VPS13B: variants seen among roughly 807,000 people sequenced by gnomAD.
VPS13B encodes the protein intermembrane lipid transfer protein VPS13B.
VPS13B carries 285 observed loss-of-function variants against 426.4 expected under a neutral mutation model. The observed-to-expected ratio is 0.67, with a 90% CI of 0.61 to 0.74. VPS13B has a LOEUF of 0.74. Among genes scored for constraint, VPS13B ranks in the 30% least tolerant of loss-of-function variants. The pLI is 0.00. For missense variants in VPS13B, 4,537 were observed against 4,782.6 expected (o/e 0.95, Z 1.51); for synonymous variants, 1,676 against 1,676.4 (o/e 1.00, Z 0.01).
At chr8:99,709,122 G>A (rs1832611029) in intron 36 of VPS13B, among the ~76,000 whole-genome samples, 1 of 152,094 alleles carries the variant, frequency 6.6e-6, no homozygotes, top group Admixed American at 6.6e-5. Flanking sequence ...AAGGTTTTCT[G>A]ATGCTTCACT....
intron 30 of VPS13B, among the ~76,000 whole-genome samples, chr8:99,532,830 C>G (rs1031854384): frequency 2.0e-5 from 3 of 150,490 alleles, no homozygotes; most frequent in Non-Finnish European, 4.4e-5. Flanking sequence ...CAAAAATACA[C>G]ACTTCTTCAG....
intron 30 of VPS13B, among the ~76,000 whole-genome samples, chr8:99,547,690 C>A (rs1360886002): frequency 6.6e-6 from 1 of 152,040 alleles, no homozygotes. Flanking sequence ...CATTATCGAC[C>A]AACTATTGCA....
intron 14 of VPS13B, among the ~76,000 whole-genome samples, chr8:99,155,095 T>C (rs1454123988): frequency 6.6e-6 from 1 of 151,634 alleles, no homozygotes; most frequent in African/African-American, 2.4e-5. Context: ...CCAAATTAAA[T>C]TGTGAAACTG....
At chr8:99,651,414 A>G (rs1829808808) in intron 34 of VPS13B, among the ~76,000 whole-genome samples, 1 of 152,134 alleles carries the variant, frequency 6.6e-6, no homozygotes, top group Non-Finnish European at 1.5e-5. Flanking sequence ...TTTAATGAAT[A>G]TTAATATTAA....
chr8:99,257,813 G>C (rs114948566), intron 17 of VPS13B, among the ~76,000 whole-genome samples: 1,879 of 148,192 alleles, frequency 0.013, 43 homozygotes, highest in African/African-American at 0.044. Context: ...TTTTAAGTTA[G>C]TGCCCAAGAG....
chr8:99,676,023 G>A (rs1482868475), intron 35 of VPS13B, among the ~76,000 whole-genome samples: 1 of 151,860 alleles, frequency 6.6e-6, no homozygotes, highest in South Asian at 2.1e-4. Context: ...TATTCTTGTG[G>A]TCATGCATCA....
chr8:99,379,364 G>T (rs1813670834), intron 19 of VPS13B, among the ~76,000 whole-genome samples: 2 of 152,084 alleles, frequency 1.3e-5, no homozygotes. Flanking sequence ...GGATGGGCGG[G>T]GGGGCAACAG....
intron 33 of VPS13B, among the ~76,000 whole-genome samples, chr8:99,602,991 G>T (rs929179553): frequency 1.3e-5 from 2 of 152,120 alleles, no homozygotes; most frequent in Admixed American, 6.5e-5. Flanking sequence ...TCCCCATCAA[G>T]CTACCATTGA....
chr8:99,816,016 T>C (rs1814012705), intron 44 of VPS13B, among the ~76,000 whole-genome samples: 1 of 151,922 alleles, frequency 6.6e-6, no homozygotes. Context: ...ATTTTTTGTA[T>C]AGATGGGATC....
At chr8:99,858,982 G>A (rs1227735230) in intron 56 of VPS13B, among the ~76,000 whole-genome samples, 3 of 152,122 alleles carry the variant, frequency 2.0e-5, no homozygotes, top group East Asian at 3.9e-4. Flanking sequence ...CCAAGAAGGC[G>A]CCCTTCCTCA....
intron 34 of VPS13B, among the ~76,000 whole-genome samples, chr8:99,654,049 TA>T (rs1482505177): frequency 6.6e-6 from 1 of 151,050 alleles, no homozygotes; most frequent in Non-Finnish European, 1.5e-5. Context: ...TTATTATTAT[TA>T]TTATATATAT....
rs909305250 is a variant in VPS13B, at chr8:99,085,336, C to T, written c.292-10976C>T. Among the ~76,000 whole-genome samples, 24 of 152,186 alleles carry T rather than the reference C, an allele frequency of 1.6e-4. 1 individual carries two copies. The Middle Eastern group carries it at 0.024, about 151-fold the overall frequency. Reference sequence around the variant, plus strand: ...TCTTCCTCCATCCCTTTATTTTGAGCCTATGTGTGTCTCTGCACATGAGAT... The same window carrying T: ...TCTTCCTCCATCCCTTTATTTTGAGTCTATGTGTGTCTCTGCACATGAGAT... On this transcript the variant is annotated intron_variant, in intron 3 of 61. Coordinates refer to ENST00000357162, the MANE Select transcript of VPS13B (RefSeq NM_152564.5).
At chr8:99,259,505 C>G (rs1169493068) in intron 17 of VPS13B, among the ~76,000 whole-genome samples, 1 of 151,994 alleles carries the variant, frequency 6.6e-6, no homozygotes, top group Non-Finnish European at 1.5e-5. Context: ...TGATATTCCA[C>G]TTCAGTAAGC....
chr8:99,218,745 T>C (rs1815521850), intron 17 of VPS13B, among the ~76,000 whole-genome samples: 1 of 152,034 alleles, frequency 6.6e-6, no homozygotes, highest in South Asian at 2.1e-4. Context: ...TGGGTGGGAA[T>C]GAAATAAGTT....
chr8:99,310,647 T>C (rs933020422), intron 19 of VPS13B, among the ~76,000 whole-genome samples: 7 of 152,210 alleles, frequency 4.6e-5, no homozygotes, highest in Non-Finnish European at 7.3e-5. Context: ...TCTAAAATTC[T>C]CTTTTTTTGT....
chr8:99,122,622 A>G (rs1047584000), intron 8 of VPS13B, among the ~76,000 whole-genome samples: 1 of 152,192 alleles, frequency 6.6e-6, no homozygotes, highest in African/African-American at 2.4e-5. Context: ...TAATGCTATT[A>G]CCATACATGT....
chr8:99,559,467 A>G (rs1328879929), intron 31 of VPS13B, among the ~76,000 whole-genome samples: 2 of 152,168 alleles, frequency 1.3e-5, no homozygotes, highest in Non-Finnish European at 2.9e-5. Flanking sequence ...TGTTTTAGTC[A>G]TGAAGTCCTT....
intron 30 of VPS13B, chr8:99,536,932 G>A (rs553880031): frequency 2.4e-6 from 1 of 421,584 alleles, no homozygotes; most frequent in Non-Finnish European, 4.8e-6. Flanking sequence ...CAGTGTTATT[G>A]TTCAGTTCGA....
chr8:99,021,876 G>A (rs963310331), intron 2 of VPS13B, among the ~76,000 whole-genome samples: 3 of 152,108 alleles, frequency 2.0e-5, no homozygotes, highest in Non-Finnish European at 2.9e-5. Flanking sequence ...GCCTCCCAAA[G>A]TGTTGGGATT....
Sources: allele counts gnomAD v4.1 joint callset (sites outside exome capture counted in the v4.1 genomes callset), GRCh38; gene constraint gnomAD v4.1.1; transcripts MANE v1.5; gene names NCBI Gene and HGNC (gene_info 2026-07-23, HGNC 2026-07-21).